Variants in KCNH7 observed in about 807,000 individuals in gnomAD.
KCNH7 encodes the protein potassium voltage-gated channel subfamily H member 7.
In KCNH7, 49 loss-of-function variants were observed where a neutral mutation model predicts 120.8. The ratio of observed to expected loss-of-function variants is 0.41; its 90% CI spans 0.32 to 0.51. KCNH7 has a LOEUF of 0.51. Ranked by LOEUF, KCNH7 falls within the 20% of genes least tolerant of loss-of-function variation. The pLI is 0.38. For missense variants in KCNH7, 1,097 were observed against 1,446.6 expected, an observed-to-expected ratio of 0.76 and a Z score of 3.92; for synonymous variants, 547 against 516.1, an observed-to-expected ratio of 1.06 and a Z score of -0.81.
rs989228538 is a variant in KCNH7, at chr2:162,387,865, T to A, written c.2711-2926A>T. On this transcript the variant is annotated intron_variant, in intron 12 of 15. Transcript: ENST00000332142. ...TTTCAAAAAACCTGGAATTAACATT[T>A]GTGCTCACTCCATCTTTTATGGAGT... 2.0e-5 allele frequency among the ~76,000 whole-genome samples: 3 copies of A among 151,932 alleles called. No homozygotes were observed. The East Asian group carries it at 5.8e-4, about 30-fold the overall frequency.
chr2:162,614,318 C>T (rs183225499), intron 2 of KCNH7, among the ~76,000 whole-genome samples: 41 of 152,166 alleles, frequency 2.7e-4, no homozygotes, highest in African/African-American at 9.9e-4. Flanking sequence ...TCATAGATAA[C>T]TAACCATTGA....
At chr2:162,738,362 G>A (rs1687996371) in intron 2 of KCNH7, among the ~76,000 whole-genome samples, 1 of 152,108 alleles carries the variant, frequency 6.6e-6, no homozygotes, top group African/African-American at 2.4e-5. Flanking sequence ...AGAAGTCTCT[G>A]CCAGAGTTCT....
chr2:162,372,199 AT>A, intron 15 of KCNH7, 104 bp from the exon 16 acceptor site: 1 of 941,284 alleles, frequency 1.1e-6, no homozygotes, highest in Admixed American at 2.7e-5. Flanking sequence ...TCATTAATCT[AT>A]ATTTGATTAG....
intron 7 of KCNH7, among the ~76,000 whole-genome samples, chr2:162,439,103 A>G (rs1253677384): frequency 1.3e-5 from 2 of 152,100 alleles, no homozygotes; most frequent in Non-Finnish European, 2.9e-5. Context: ...CTCCCAGCAC[A>G]TCTAATTTCA....
At chr2:162,797,720 G>T (rs568381080) in intron 2 of KCNH7, 1 of 152,048 alleles carries the variant, frequency 6.6e-6, no homozygotes, top group Non-Finnish European at 1.5e-5. Context: ...GCACTAACCT[G>T]CATGGTGCCC....
intron 10 of KCNH7, 118 bp downstream of exon 10, chr2:162,400,071 C>T: frequency 9.2e-6 from 10 of 1,089,100 alleles, no homozygotes; most frequent in South Asian, 5.0e-5. Context: ...TTCAAATTAC[C>T]CACCATCTTA....
chr2:162,766,969 G>T (rs1265578133), intron 2 of KCNH7, among the ~76,000 whole-genome samples: 1 of 134,252 alleles, frequency 7.4e-6, no homozygotes, highest in Non-Finnish European at 1.5e-5. Context: ...TTCTTTTCTG[G>T]CTTTAAAAAA....
At chr2:162,678,490 A>C (rs1685602158) in intron 2 of KCNH7, among the ~76,000 whole-genome samples, 1 of 151,544 alleles carries the variant, frequency 6.6e-6, no homozygotes, top group Non-Finnish European at 1.5e-5. Context: ...TGGTGACTCC[A>C]CACATATTGG....
At chr2:162,752,979 A>AAAAGAAAAG (rs1688642591) in intron 2 of KCNH7, among the ~76,000 whole-genome samples, 1 of 127,422 alleles carries the variant, frequency 7.8e-6, no homozygotes, top group African/African-American at 4.1e-5. Context: ...AAAAGAAAAG[A>AAAAGAAAAG]AAAGAAAAGA....
intron 9 of KCNH7, among the ~76,000 whole-genome samples, chr2:162,417,865 G>T (rs1687586178): frequency 6.6e-6 from 1 of 152,152 alleles, no homozygotes; most frequent in African/African-American, 2.4e-5. Context: ...GTTCATGTCA[G>T]CGGGCTCCAG....
At chr2:162,520,296 T>C (rs889958245) in intron 3 of KCNH7, among the ~76,000 whole-genome samples, 9 of 151,420 alleles carry the variant, frequency 5.9e-5, no homozygotes, top group African/African-American at 9.7e-5. Flanking sequence ...ATCCCTTAAT[T>C]GTATTGATTT....
In KCNH7 at chr2:162,678,823, A is replaced by T. The variant is rs947452221; in HGVS notation, c.308-141743T>A. Reference sequence around the variant, plus strand: ...TACTGAGCATGTTTAGGGAATGGGGAAAATATTTGCCTTACATAGGATATT... The same window carrying T: ...TACTGAGCATGTTTAGGGAATGGGGTAAATATTTGCCTTACATAGGATATT... On this transcript the variant is annotated intron_variant, in intron 2 of 15. Coordinates refer to ENST00000332142, the MANE Select transcript of KCNH7 (RefSeq NM_033272.4). 9.2e-5 allele frequency among the ~76,000 whole-genome samples: 14 copies of T among 151,582 alleles called. 1 individual carries two copies. The highest frequency in any genetic ancestry group is 8.6e-4 in the Admixed American group (13 of 15,138).
chr2:162,547,496 A>C (rs73024641), intron 2 of KCNH7, among the ~76,000 whole-genome samples: 14,892 of 152,138 alleles, frequency 0.098, 855 homozygotes, highest in East Asian at 0.22. Context: ...AACTTTTATT[A>C]AACAATTGCT....
intron 6 of KCNH7, among the ~76,000 whole-genome samples, chr2:162,499,606 T>C (rs1489303806): frequency 6.6e-6 from 1 of 152,092 alleles, no homozygotes; most frequent in Admixed American, 6.6e-5. Context: ...GGATCCAAAA[T>C]AACAGCAAGA....
chr2:162,509,809 C>A (rs1251697635), intron 5 of KCNH7, among the ~76,000 whole-genome samples: 1 of 151,412 alleles, frequency 6.6e-6, no homozygotes, highest in Non-Finnish European at 1.5e-5. Flanking sequence ...CTGTAACAAA[C>A]CTTGAAAGTA....
chr2:162,622,877 C>A (rs1276381349), intron 2 of KCNH7, among the ~76,000 whole-genome samples: 1 of 152,018 alleles, frequency 6.6e-6, no homozygotes, highest in Non-Finnish European at 1.5e-5. Context: ...TCTCATGCAT[C>A]CTGTTTCATG....
At chr2:162,821,324 A>C (rs1453809728) in intron 2 of KCNH7, among the ~76,000 whole-genome samples, 2 of 152,226 alleles carry the variant, frequency 1.3e-5, no homozygotes, top group Non-Finnish European at 2.9e-5. Context: ...AAGAACCTTC[A>C]ACATGGAATT....
At chr2:162,439,325 G>C (rs1010151071) in intron 7 of KCNH7, among the ~76,000 whole-genome samples, 2 of 152,030 alleles carry the variant, frequency 1.3e-5, no homozygotes, top group African/African-American at 4.8e-5. Context: ...AAGCTCACTA[G>C]ATGGCAAAAT....
chr2:162,701,812 A>G (rs1686512281), intron 2 of KCNH7, among the ~76,000 whole-genome samples: 1 of 152,074 alleles, frequency 6.6e-6, no homozygotes. Context: ...TTTGAGACCA[A>G]CCTGGTCAGC....
Sources: allele counts gnomAD v4.1 joint callset (sites outside exome capture counted in the v4.1 genomes callset), GRCh38; gene constraint gnomAD v4.1.1; transcripts MANE v1.5; gene names NCBI Gene and HGNC (gene_info 2026-07-23, HGNC 2026-07-21).